NCAM2: variants seen among roughly 807,000 people sequenced by gnomAD.
The protein encoded by NCAM2 is neural cell adhesion molecule 2.
A neutral mutation model predicts 98.1 loss-of-function variants in NCAM2; 30 were observed. That is an observed-to-expected ratio of 0.31 (90% CI 0.23 to 0.41). NCAM2 has a LOEUF of 0.41. Ranked by LOEUF, NCAM2 falls within the 10% of genes least tolerant of loss-of-function variation. The pLI is 1.00. For synonymous variants in NCAM2, 368 were observed against 342.4 expected (o/e 1.07, Z -0.83); for missense variants, 867 against 1,005.8 (o/e 0.86, Z 1.87).
intron 1 of NCAM2, among the ~76,000 whole-genome samples, chr21:21,189,755 TC>T (rs982259900): frequency 1.3e-5 from 2 of 152,088 alleles, no homozygotes; most frequent in African/African-American, 4.8e-5. Flanking sequence ...TATAGAAGGG[TC>T]TTTCTGAAAT....
intron 1 of NCAM2, among the ~76,000 whole-genome samples, chr21:21,222,567 T>C (rs2897831): frequency 0.63 from 95,204 of 151,880 alleles, 30,086 homozygotes; most frequent in East Asian, 0.75. Flanking sequence ...TCAAATGTGG[T>C]GGAAATAAAA....
chr21:21,091,331 A>C (rs1265359881), intron 1 of NCAM2, among the ~76,000 whole-genome samples: 1 of 151,776 alleles, frequency 6.6e-6, no homozygotes, highest in Non-Finnish European at 1.5e-5. Context: ...TGGGTTATTT[A>C]TTTTTCTGCC....
rs879493209 is a variant in NCAM2 at position 21,453,850 on chromosome 21, T to G, written c.1655-12756T>G. ...CCTGTATTATTCTTGAATTAGTCCT[T>G]AGAATATAAGGCGATGTTTATAGTT... On this transcript the variant is annotated intron_variant, in intron 12 of 17. Transcript: ENST00000400546. Among the ~76,000 whole-genome samples, 9 of 152,252 alleles carry G rather than the reference T, an allele frequency of 5.9e-5. No homozygotes were observed. In the East Asian group the frequency reaches 1.2e-3, roughly 20 times the overall value.
At chr21:21,323,338 T>C (rs1008139221) in intron 5 of NCAM2, among the ~76,000 whole-genome samples, 47 of 152,132 alleles carry the variant, frequency 3.1e-4, no homozygotes, top group Non-Finnish European at 7.4e-5. Context: ...AGAAACTTGA[T>C]TTATTGTGTT....
chr21:21,416,283 G>C (rs930629593), intron 10 of NCAM2, among the ~76,000 whole-genome samples: 2 of 152,048 alleles, frequency 1.3e-5, no homozygotes, highest in African/African-American at 4.8e-5. Flanking sequence ...ACTGTCTTAG[G>C]GGCACAGTTT....
intron 1 of NCAM2, among the ~76,000 whole-genome samples, chr21:21,165,923 C>T (rs757374406): frequency 1.3e-5 from 2 of 152,080 alleles, no homozygotes; most frequent in Non-Finnish European, 2.9e-5. Flanking sequence ...GCTAAGATTG[C>T]TATAATTTAA....
intron 1 of NCAM2, among the ~76,000 whole-genome samples, chr21:21,183,754 T>C (rs2068551730): frequency 1.3e-5 from 2 of 152,140 alleles, no homozygotes; most frequent in South Asian, 4.1e-4. Context: ...TGCATTGTTA[T>C]ATTCTTACTG....
At chr21:21,461,944 T>C (rs1000421184) in intron 12 of NCAM2, among the ~76,000 whole-genome samples, 3 of 152,046 alleles carry the variant, frequency 2.0e-5, no homozygotes, top group Non-Finnish European at 1.5e-5. Context: ...TGCGTGTGTA[T>C]AGAAACAGTA....
At chr21:21,077,498 C>CA (rs2146389628) in intron 1 of NCAM2, among the ~76,000 whole-genome samples, 1 of 152,298 alleles carries the variant, frequency 6.6e-6, no homozygotes, top group Non-Finnish European at 1.5e-5. Context: ...ATGAGGCCCA[C>CA]AGTGTAACAT....
At chr21:21,085,351 C>G (rs943531400) in intron 1 of NCAM2, among the ~76,000 whole-genome samples, 1 of 152,110 alleles carries the variant, frequency 6.6e-6, no homozygotes, top group African/African-American at 2.4e-5. Flanking sequence ...TTCCCTCTAC[C>G]CCTCCCTGCC....
intron 2 of NCAM2, among the ~76,000 whole-genome samples, chr21:21,281,735 G>A (rs1294878366): frequency 1.3e-5 from 2 of 151,682 alleles, no homozygotes; most frequent in Non-Finnish European, 2.9e-5. Context: ...TTTTAGAATT[G>A]TTTCTAATCT....
chr21:21,524,550 G>A (rs1989217850), intron 16 of NCAM2, among the ~76,000 whole-genome samples: 1 of 151,660 alleles, frequency 6.6e-6, no homozygotes, highest in African/African-American at 2.4e-5. Context: ...GGGGGTGTGG[G>A]GGGAGAATAC....
At chr21:21,448,311 C>A (rs1025604680) in intron 12 of NCAM2, among the ~76,000 whole-genome samples, 1 of 151,916 alleles carries the variant, frequency 6.6e-6, no homozygotes, top group Non-Finnish European at 1.5e-5. Context: ...CCAAACACCT[C>A]ATTTCTTACT....
intron 1 of NCAM2, among the ~76,000 whole-genome samples, chr21:21,228,176 C>T (rs2070465676): frequency 6.6e-6 from 1 of 151,482 alleles, no homozygotes; most frequent in South Asian, 2.1e-4. Flanking sequence ...ATTATGGTCT[C>T]ACTAGTAATC....
Position 21,310,022 on chromosome 21 carries a change from T to C in NCAM2, c.620-14361T>C, listed in dbSNP as rs114528625. 8.4e-3 allele frequency among the ~76,000 whole-genome samples: 1,280 copies of C among 152,312 alleles called. 18 individuals carry two copies. The highest frequency in any genetic ancestry group is 0.029 in the African/African-American group (1,223 of 41,586). ...TGATATTTTTAGATATATGTTTCAG[T>C]ACAGCAAACAAAATTTCAGTGTTCT... On this transcript the variant is annotated intron_variant, in intron 5 of 17. Transcript: ENST00000400546.
chr21:21,538,526 C>T lies in NCAM2; in HGVS notation c.*569C>T, dbSNP rs1407841925. ...ATTGAAAACTTTGGAGAACTCATTT[C>T]AAGTTATGATTCAGTGCATTTTCAA... On this transcript the variant is annotated 3_prime_UTR_variant, in exon 18 of 18. Coordinates refer to ENST00000400546, the MANE Select transcript of NCAM2 (RefSeq NM_004540.5). 6.6e-6 allele frequency: 1 copy of T among 152,504 alleles called. No individual in the cohort carries two copies. The highest frequency in any genetic ancestry group is 1.5e-5 in the Non-Finnish European group (1 of 68,014). The allele number at this position is 152,504 out of a possible 1,614,324, so 9.4% of individuals were successfully genotyped here.
intron 4 of NCAM2, 44 bp downstream of exon 4, chr21:21,286,456 T>C (rs1315991116): frequency 7.1e-6 from 11 of 1,540,138 alleles, no homozygotes; most frequent in African/African-American, 2.8e-5. Context: ...TCTAATACTA[T>C]TGCAGTTTTT....
intron 1 of NCAM2, among the ~76,000 whole-genome samples, chr21:21,204,983 T>C (rs2069380707): frequency 6.6e-6 from 1 of 152,124 alleles, no homozygotes; most frequent in Admixed American, 6.6e-5. Context: ...TATCATTCAC[T>C]TTAATAATGG....
chr21:21,209,105 C>T (rs992168053), intron 1 of NCAM2, among the ~76,000 whole-genome samples: 1 of 151,150 alleles, frequency 6.6e-6, no homozygotes, highest in Non-Finnish European at 1.5e-5. Flanking sequence ...ATGTTCCCCA[C>T]TCTCAGCGTC....
Sources: allele counts gnomAD v4.1 joint callset (sites outside exome capture counted in the v4.1 genomes callset), GRCh38; gene constraint gnomAD v4.1.1; transcripts MANE v1.5; gene names NCBI Gene and HGNC (gene_info 2026-07-23, HGNC 2026-07-21).